BRD8: variants seen among roughly 807,000 people sequenced by gnomAD.
BRD8 encodes bromodomain containing 8.
Under a neutral mutation model 143.1 loss-of-function variants are expected in BRD8, and 67 were observed. That is an observed-to-expected ratio of 0.47 (90% CI 0.38 to 0.57). BRD8 has a LOEUF of 0.57. Ranked by LOEUF, BRD8 falls within the 20% of genes least tolerant of loss-of-function variation. The pLI is 0.00. For synonymous variants in BRD8, 505 were observed against 517.1 expected, an observed-to-expected ratio of 0.98 and a Z score of 0.32; for missense variants, 1,103 against 1,503.0, an observed-to-expected ratio of 0.73 and a Z score of 4.40.
intron 1 of BRD8, among the ~76,000 whole-genome samples, chr5:138,178,040 G>A (rs879539901): frequency 7.2e-5 from 11 of 152,060 alleles, no homozygotes; most frequent in Admixed American, 3.9e-4. Context: ...GAACCCGAGC[G>A]GCCAGCCCCT....
At chr5:138,153,010 C>T (rs192526186) in intron 20 of BRD8, among the ~76,000 whole-genome samples, 5 of 152,256 alleles carry the variant, frequency 3.3e-5, no homozygotes, top group Admixed American at 3.3e-4. Context: ...ATAATAGAGA[C>T]ATTAATATTA....
At chr5:138,157,141 G>T (rs372362803) in intron 20 of BRD8, 2 of 1,601,460 alleles carry the variant, frequency 1.2e-6, no homozygotes, top group African/African-American at 2.7e-5. Flanking sequence ...AACTGGGCCC[G>T]CAAGCCCAAG....
At position 138,174,676 on chromosome 5, in the gene BRD8, C is replaced by T. The variant is rs182831215; in HGVS notation, c.117-2542G>A. ...AAGGGAAGAGATGTGACTTTTCTTA[C>T]CAACCCCCTTCCTTCTTGTTGCATG... On this transcript the variant is annotated intron_variant, in intron 2 of 26. Transcript: ENST00000254900. Among the ~76,000 whole-genome samples, 6 of 151,958 alleles carry T rather than the reference C, an allele frequency of 3.9e-5. No homozygotes were observed. In the East Asian group the frequency reaches 9.7e-4, roughly 25 times the overall value.
chr5:138,169,816 A>C (rs1209853625), intron 7 of BRD8, among the ~76,000 whole-genome samples: 1 of 152,124 alleles, frequency 6.6e-6, no homozygotes, highest in African/African-American at 2.4e-5. Context: ...AAAATTAGCT[A>C]GGTGTGGTGG....
chr5:138,147,665 A>G (rs1752207319), intron 23 of BRD8, among the ~76,000 whole-genome samples: 1 of 152,180 alleles, frequency 6.6e-6, no homozygotes, highest in South Asian at 2.1e-4. Flanking sequence ...TGCCAGATGC[A>G]GTAGTTCATG....
At position 138,152,766 on chromosome 5, in the gene BRD8, A is replaced by G. The variant is rs767862583; in HGVS notation, c.2578-6T>C. ...CAAACCCACTCGTGTCCCATCTGTA[A>G]ATACACAGGAAAACATGCATTAAAT... On this transcript the variant is annotated splice_region_variant and splice_polypyrimidine_tract_variant and intron_variant, in intron 20 of 26. Transcript: ENST00000254900. The G allele has an allele frequency of 6.2e-7, 1 of 1,607,014 alleles. No homozygotes were observed. Among genetic ancestry groups the G allele is most frequent in the Non-Finnish European group, 8.5e-7 (1 of 1,174,540 alleles).
In BRD8 at chr5:138,150,970, G is replaced by A. The variant is rs182031524; in HGVS notation, c.2895C>T (p.Asn965=). The A allele has an allele frequency of 2.4e-5, 39 of 1,613,772 alleles. No individual in the cohort carries two copies. In the African/African-American group the frequency reaches 3.6e-4, roughly 15 times the overall value. ...GAGGGCAGCAGCCTTCACTTGATTC[G>A]TTGCTGCTGATGCACAAGGGCTCCA... The part of the protein sequence containing the change: ...YLMEPLCISS[N]ESSEGCCPPS... Residue 965 remains asparagine, a synonymous_variant, in exon 22 of 27, where the codon AAC becomes AAT. Coordinates refer to ENST00000254900, the MANE Select transcript of BRD8 (RefSeq NM_139199.2).
chr5:138,152,119 G>A (rs992878628), intron 21 of BRD8, among the ~76,000 whole-genome samples: 2 of 152,024 alleles, frequency 1.3e-5, no homozygotes, highest in Admixed American at 6.6e-5. Context: ...GCCTCCTAAA[G>A]TGCTGGGATT....
chr5:138,145,080 G>T, intron 25 of BRD8, 97 bp downstream of exon 25: 2 of 1,260,890 alleles, frequency 1.6e-6, no homozygotes, highest in South Asian at 1.4e-5. Context: ...CATATCTTGA[G>T]TTTGTAAGTT....
At chr5:138,178,240 C>G (rs1398340543) in intron 1 of BRD8, among the ~76,000 whole-genome samples, 2 of 152,144 alleles carry the variant, frequency 1.3e-5, no homozygotes, top group Non-Finnish European at 2.9e-5. Context: ...TCACAAACGT[C>G]AGACAAAAAA....
At chr5:138,169,187 C>T in intron 8 of BRD8, 35 bp downstream of exon 8, 1 of 1,606,602 alleles carries the variant, frequency 6.2e-7, no homozygotes, top group Non-Finnish European at 8.5e-7. Flanking sequence ...ATTGCCCCTT[C>T]ACTGATCAAT....
chr5:138,156,112 C>T (rs577588830), intron 20 of BRD8, among the ~76,000 whole-genome samples: 6 of 150,230 alleles, frequency 4.0e-5, no homozygotes, highest in African/African-American at 1.5e-4. Flanking sequence ...CTCAAGCAAC[C>T]CTCCCACCTC....
At position 138,150,757 on chromosome 5, in the gene BRD8, T is replaced by C; in HGVS notation, c.3108A>G (p.Thr1036=). ...GTTACTTTCTTACCTCTTCACTCTC[T>C]GTGAGTAGTCCCTGAACTGTACAAA... ...SVICTVQGLL[T]ESEEGEAQQE... is the part of the protein sequence containing the mutation. The change falls in exon 22 of 27, where the codon ACA becomes ACG. Residue 1036 remains threonine, a synonymous_variant. Transcript: ENST00000254900. 1 of 1,609,340 alleles carries C rather than the reference T, an allele frequency of 6.2e-7. No homozygotes were observed. The highest frequency in any genetic ancestry group is 8.5e-7 in the Non-Finnish European group (1 of 1,178,660).
chr5:138,163,041 G>T (rs1176351531), intron 15 of BRD8, 89 bp downstream of exon 15: 2 of 1,232,054 alleles, frequency 1.6e-6, no homozygotes, highest in East Asian at 2.5e-5. Flanking sequence ...GAAAAGAAAA[G>T]AGAAAAGACA....
intron 1 of BRD8, among the ~76,000 whole-genome samples, chr5:138,178,377 G>C (rs928196074): frequency 3.9e-5 from 6 of 152,126 alleles, no homozygotes; most frequent in Admixed American, 3.3e-4. Context: ...GATTCACTAA[G>C]CTGCTTCTCT....
In BRD8 at chr5:138,177,569, A is replaced by AAG. The variant is rs1754455446; in HGVS notation, c.116+1_116+2insCT. ...GAAAAGCTGACATCCTAGATACCTT[A>AAG]CCAATTTTGATCGCCACTTCTCATG... On this transcript the variant is annotated splice_donor_variant, in intron 2 of 26. Transcript: ENST00000254900. LOFTEE classifies it high-confidence loss of function. 6.2e-7 allele frequency: 1 copy of AAG among 1,604,368 alleles called. No homozygotes were observed. Among genetic ancestry groups the AAG allele is most frequent in the Non-Finnish European group, 8.5e-7 (1 of 1,172,150 alleles).
rs1352092272 is a variant in BRD8, at chr5:138,161,074, A to C, written c.2250-6T>G. 1.7e-5 allele frequency: 27 copies of C among 1,607,202 alleles called. No individual in the cohort carries two copies. In the Admixed American group the frequency reaches 4.6e-4, roughly 27 times the overall value. Reference sequence around the variant, plus strand: ...TAGTTGACAAATCCATAGGCCTAAAAAAAAAGAACAGGGGTAAGTAGCAGT... The same window carrying C: ...TAGTTGACAAATCCATAGGCCTAAACAAAAAGAACAGGGGTAAGTAGCAGT... On this transcript the variant is annotated splice_region_variant and splice_polypyrimidine_tract_variant and intron_variant, in intron 17 of 26. Coordinates refer to ENST00000254900, the MANE Select transcript of BRD8 (RefSeq NM_139199.2).
chr5:138,144,321 G>A lies in BRD8; in HGVS notation c.3437+856C>T, dbSNP rs141297883. 5.6e-3 allele frequency among the ~76,000 whole-genome samples: 857 copies of A among 152,168 alleles called. 6 individuals are homozygous for A. The highest frequency in any genetic ancestry group is 0.02 in the African/African-American group (811 of 41,526). On this transcript the variant is annotated intron_variant, in intron 25 of 26. Transcript: ENST00000254900. ...AAACCCACCGGGAGGAAGAAACTCC[G>A]GACACATCTGAACATCCGAAGGAAC... is the stretch of plus-strand genomic sequence containing the variant.
At chr5:138,145,425 T>C (rs1453085657) in intron 24 of BRD8, among the ~76,000 whole-genome samples, 180 bp from the exon 25 acceptor site, 2 of 152,194 alleles carry the variant, frequency 1.3e-5, no homozygotes, top group Admixed American at 1.3e-4. Context: ...CTATAAAATA[T>C]TTCACTATTA....
Sources: gnomAD v4.1 joint callset for allele counts (sites outside exome capture counted in the v4.1 genomes callset) on GRCh38, gnomAD v4.1.1 for gene constraint, MANE v1.5 for transcripts, NCBI Gene and HGNC (gene_info 2026-07-23, HGNC 2026-07-21) for gene names.